Variants in TXNDC16 observed in about 807,000 individuals in gnomAD.
TXNDC16 encodes the protein thioredoxin domain containing 16.
Under a neutral mutation model 85.6 loss-of-function variants are expected in TXNDC16, and 74 were observed. That is an observed-to-expected ratio of 0.86 (90% confidence interval 0.72 to 1.05). The LOEUF is 1.05. Ranked by LOEUF, TXNDC16 falls within the 50% of genes least tolerant of loss-of-function variation. The pLI is 0.00. For synonymous variants in TXNDC16, 335 were observed against 326.5 expected, an observed-to-expected ratio of 1.03 and a Z score of -0.28; for missense variants, 959 against 947.0, an observed-to-expected ratio of 1.01 and a Z score of -0.17.
rs1465688375 is a variant in TXNDC16, at chr14:52,542,241, C to G, written c.243+130G>C. ...CTATCTTTCTGGGCTTCTGTTTATT[C>G]TTATGAAAAAAATATATTTCCAGTT... is the stretch of plus-strand genomic sequence containing the variant. On this transcript the variant is annotated intron_variant, in intron 4 of 20. Transcript: ENST00000281741. 8 of 639,192 alleles carry G rather than the reference C, an allele frequency of 1.3e-5. No homozygotes were observed. In the Admixed American group the frequency reaches 2.0e-4, roughly 16 times the overall value. 39.6% of individuals were successfully genotyped at this position (639,192 alleles called of 1,614,324 possible). A position where few individuals can be genotyped will look rare whatever the true frequency, so the allele number is the denominator to read the frequency against.
rs1208921211 is a variant in TXNDC16, at chr14:52,542,462, A to G, written c.161-9T>C. Reference sequence around the variant, plus strand: ...AGATGTTCTTGGGGAATCTAAAACAACAAATGTTTCATGAATGTTTATGAA... The same window carrying G: ...AGATGTTCTTGGGGAATCTAAAACAGCAAATGTTTCATGAATGTTTATGAA... On this transcript the variant is annotated splice_polypyrimidine_tract_variant and intron_variant, in intron 3 of 20. Transcript: ENST00000281741. The G allele has an allele frequency of 1.2e-6, 2 of 1,601,104 alleles. No individual in the cohort carries two copies. Among genetic ancestry groups the G allele is most frequent in the Non-Finnish European group, 1.7e-6 (2 of 1,170,786 alleles).
At chr14:52,463,328 C>T (rs1346161447) in intron 16 of TXNDC16, among the ~76,000 whole-genome samples, 2 of 152,116 alleles carry the variant, frequency 1.3e-5, no homozygotes, top group Admixed American at 6.6e-5. Flanking sequence ...ATGGGCCCAG[C>T]GGGTACACCA....
chr14:52,481,139 T>G (rs534760621), intron 14 of TXNDC16, among the ~76,000 whole-genome samples: 1 of 151,722 alleles, frequency 6.6e-6, no homozygotes, highest in East Asian at 1.9e-4. Context: ...GGAGCTAAGC[T>G]ATGAGGATGC....
intron 1 of TXNDC16, among the ~76,000 whole-genome samples, chr14:52,548,082 A>G (rs998610612): frequency 1.3e-5 from 2 of 152,224 alleles, no homozygotes; most frequent in Non-Finnish European, 2.9e-5. Context: ...ATTACACTCA[A>G]AATTAGGCCT....
chr14:52,445,863 T>C (rs1002402395), intron 18 of TXNDC16, among the ~76,000 whole-genome samples: 2 of 152,218 alleles, frequency 1.3e-5, no homozygotes, highest in African/African-American at 2.4e-5. Flanking sequence ...AAAGTTTGTA[T>C]GATAAAACTG....
chr14:52,489,154 T>C (rs7160140), intron 11 of TXNDC16, among the ~76,000 whole-genome samples: 16,743 of 152,214 alleles, frequency 0.11, 1,227 homozygotes, highest in East Asian at 0.37. Context: ...AAATTGATTA[T>C]TCTGACATTC....
intron 9 of TXNDC16, among the ~76,000 whole-genome samples, chr14:52,499,561 C>T (rs532878220): frequency 6.6e-6 from 1 of 150,688 alleles, no homozygotes; most frequent in South Asian, 2.1e-4. Flanking sequence ...AAATAAAACT[C>T]GAAACCACCA....
At chr14:52,511,042 T>G (rs2036941521) in intron 9 of TXNDC16, among the ~76,000 whole-genome samples, 198 bp downstream of exon 9, 1 of 152,132 alleles carries the variant, frequency 6.6e-6, no homozygotes, top group Non-Finnish European at 1.5e-5. Flanking sequence ...CAGTCTATCT[T>G]CTATTCTACC....
chr14:52,541,202 C>T (rs1304067463), intron 4 of TXNDC16, among the ~76,000 whole-genome samples: 1 of 151,518 alleles, frequency 6.6e-6, no homozygotes, highest in African/African-American at 2.4e-5. Context: ...TCCCATTGCA[C>T]TCCAGCCTGG....
intron 14 of TXNDC16, among the ~76,000 whole-genome samples, chr14:52,478,688 A>G (rs1404274708): frequency 3.9e-5 from 6 of 152,132 alleles, no homozygotes; most frequent in African/African-American, 1.4e-4. Context: ...ACCAACAAAA[A>G]AAAAGTCCAG....
At chr14:52,475,135 C>T (rs1329216091) in intron 14 of TXNDC16, among the ~76,000 whole-genome samples, 1 of 152,178 alleles carries the variant, frequency 6.6e-6, no homozygotes, top group Non-Finnish European at 1.5e-5. Context: ...AAGCGAAATA[C>T]ACGGGTAAAG....
chr14:52,488,405 T>A lies in TXNDC16; in HGVS notation c.1066A>T (p.Ile356Leu). ...HVENNMHIEE[I>L]QEDEDNDMEG... ...ATGTCATTGTCTTCATCTTCTTGTA[T>A]TTCCTCAATGTGCATATTATTTTCC... The change falls in exon 12 of 21, where the codon ATA becomes TTA. Residue 356 changes from isoleucine (I) to leucine (L), a missense_variant. Physicochemically the swap from Ile to Leu is conservative, Grantham distance 5. Transcript: ENST00000281741. 1 of 1,613,778 alleles carries A rather than the reference T, an allele frequency of 6.2e-7. No homozygotes were observed. Among genetic ancestry groups the A allele is most frequent in the Non-Finnish European group, 8.5e-7 (1 of 1,179,766 alleles).
At chr14:52,546,301 A>G (rs2037941168) in intron 1 of TXNDC16, among the ~76,000 whole-genome samples, 1 of 152,148 alleles carries the variant, frequency 6.6e-6, no homozygotes, top group Non-Finnish European at 1.5e-5. Flanking sequence ...ACAAACGAAC[A>G]AACAAAAACT....
rs202214702 is a variant in TXNDC16, at chr14:52,543,541, T to C, written c.17A>G (p.Asn6Ser). 394 of 1,613,194 alleles carry C rather than the reference T, an allele frequency of 2.4e-4. No individual in the cohort carries two copies. In the Middle Eastern group the frequency reaches 3.1e-3, roughly 13 times the overall value. The change falls in exon 3 of 21, where the codon AAT becomes AGT. Residue 6 changes from asparagine (N) to serine (S), a missense_variant. Coordinates refer to ENST00000281741, the MANE Select transcript of TXNDC16 (RefSeq NM_020784.3). The part of the protein sequence containing the change: MFSGF[N>S]VFRVGISFVI... Reference sequence around the variant, plus strand: ...AAAAGAGATCCCAACTCTAAAGACATTGAAGCCGGAAAACATTATCAGCTG... The same window carrying C: ...AAAAGAGATCCCAACTCTAAAGACACTGAAGCCGGAAAACATTATCAGCTG...
rs2036155140 is a variant in TXNDC16, at chr14:52,481,695, T to G, written c.1312+535A>C. ...TTTGCTGAGATGGTAGCACAGATAT[T>G]TTCAGTTAAAGTCCATTCCTTGGAT... On this transcript the variant is annotated intron_variant, in intron 14 of 20. Transcript: ENST00000281741. Among the ~76,000 whole-genome samples the G allele has an allele frequency of 2.0e-5, 3 of 152,114 alleles. No homozygotes were observed. The South Asian group carries it at 6.2e-4, about 31-fold the overall frequency.
chr14:52,453,974 A>T (rs1246322171), intron 18 of TXNDC16, among the ~76,000 whole-genome samples: 1 of 152,242 alleles, frequency 6.6e-6, no homozygotes, highest in African/African-American at 2.4e-5. Context: ...AGTATTTGCC[A>T]GTATAACAGG....
At chr14:52,467,718 C>A (rs899817363) in intron 16 of TXNDC16, among the ~76,000 whole-genome samples, 1 of 152,174 alleles carries the variant, frequency 6.6e-6, no homozygotes, top group Non-Finnish European at 1.5e-5. Context: ...AACAGAATTA[C>A]CATATGACCC....
intron 3 of TXNDC16, among the ~76,000 whole-genome samples, chr14:52,542,896 T>C (rs1178773252): frequency 1.3e-5 from 2 of 152,170 alleles, no homozygotes; most frequent in African/African-American, 4.8e-5. Context: ...TTTTAAGACA[T>C]GAAGACTTGA....
chr14:52,453,720 T>C (rs1422522363), intron 18 of TXNDC16, among the ~76,000 whole-genome samples: 1 of 152,088 alleles, frequency 6.6e-6, no homozygotes, highest in Non-Finnish European at 1.5e-5. Flanking sequence ...TGGATATCCA[T>C]ATGCTGAATG....
Sources: gnomAD v4.1 joint callset for allele counts (sites outside exome capture counted in the v4.1 genomes callset) on GRCh38, gnomAD v4.1.1 for gene constraint, MANE v1.5 for transcripts, NCBI Gene and HGNC (gene_info 2026-07-23, HGNC 2026-07-21) for gene names.